Variants in MAP4K3 observed in about 807,000 individuals in gnomAD.
The protein encoded by MAP4K3 is MAPK/ERK kinase kinase kinase 3.
Under a neutral mutation model 143.5 loss-of-function variants are expected in MAP4K3, and 94 were observed. The observed-to-expected ratio is 0.65, with a 90% CI of 0.55 to 0.78. The LOEUF (loss-of-function observed/expected upper bound fraction) is 0.78, where lower values mean the gene tolerates loss of function less well. MAP4K3 is among the 30% of genes least tolerant of loss of function. The pLI is 0.00. For missense variants in MAP4K3, 1,077 were observed against 1,068.1 expected (o/e 1.01, Z -0.12); for synonymous variants, 416 against 347.2 (o/e 1.20, Z -2.20).
intron 2 of MAP4K3, among the ~76,000 whole-genome samples, chr2:39,365,486 G>T (rs1037110877): frequency 7.7e-6 from 1 of 130,134 alleles, no homozygotes; most frequent in Admixed American, 9.2e-5. Flanking sequence ...CGCCCAGGCC[G>T]GACTGCGGAC....
chr2:39,314,037 CTTTT>C (rs1055660834), intron 13 of MAP4K3, among the ~76,000 whole-genome samples: 1 of 150,342 alleles, frequency 6.7e-6, no homozygotes, highest in Non-Finnish European at 1.5e-5. Flanking sequence ...CCTCTAATTA[CTTTT>C]TTTTTTCCAA....
intron 2 of MAP4K3, among the ~76,000 whole-genome samples, chr2:39,368,925 G>C (rs149917052): frequency 6.6e-6 from 1 of 151,838 alleles, no homozygotes. Context: ...TACATATATC[G>C]TACCTCTCCC....
At chr2:39,421,305 A>G (rs1022352523) in intron 1 of MAP4K3, among the ~76,000 whole-genome samples, 1 of 152,224 alleles carries the variant, frequency 6.6e-6, no homozygotes, top group South Asian at 2.1e-4. Flanking sequence ...TTCTGGAAGT[A>G]AGACTGCCTG....
chr2:39,337,468 A>C lies in MAP4K3; in HGVS notation c.366+58T>G. The C allele has an allele frequency of 2.4e-6, 3 of 1,273,982 alleles. No homozygotes were observed. In the South Asian group the frequency reaches 3.6e-5, roughly 15 times the overall value. 78.9% of individuals were successfully genotyped at this position (1,273,982 alleles called of 1,614,324 possible). A position where few individuals can be genotyped will look rare whatever the true frequency, so the allele number is the denominator to read the frequency against. On this transcript the variant is annotated intron_variant, in intron 5 of 33. Coordinates refer to ENST00000263881, the MANE Select transcript of MAP4K3 (RefSeq NM_003618.4). ...TTACTTTGCTGAACAGGTAATGCAC[A>C]GTAAGTAAAGCCTTAGTTTAATGAA...
At chr2:39,347,955 T>C (rs1298476559) in intron 3 of MAP4K3, among the ~76,000 whole-genome samples, 1 of 152,032 alleles carries the variant, frequency 6.6e-6, no homozygotes, top group Non-Finnish European at 1.5e-5. Flanking sequence ...AACTGTTCAT[T>C]GTTGATCTCT....
rs933634583 is a variant in MAP4K3 at position 39,359,288 on chromosome 2, A to C, written c.155-2949T>G. 4.6e-5 allele frequency among the ~76,000 whole-genome samples: 7 copies of C among 152,132 alleles called. No homozygotes were observed. In the South Asian group the frequency reaches 6.2e-4, roughly 14 times the overall value. On this transcript the variant is annotated intron_variant, in intron 2 of 33. Transcript: ENST00000263881. ...ACCAACAGGGTAGTCATTAAATCTT[A>C]AAGTTCCAAAATGACCTCTTTTGAC...
At chr2:39,341,004 T>A (rs537136067) in intron 4 of MAP4K3, among the ~76,000 whole-genome samples, 1 of 152,022 alleles carries the variant, frequency 6.6e-6, no homozygotes, top group Non-Finnish European at 1.5e-5. Context: ...GGGGAGAAAA[T>A]ATTTGAAGAC....
chr2:39,285,653 CAA>C (rs201435675), intron 21 of MAP4K3, among the ~76,000 whole-genome samples: 2,009 of 152,174 alleles, frequency 0.013, 20 homozygotes, highest in Middle Eastern at 0.072. Flanking sequence ...AGATATAGCA[CAA>C]AAGACTCTAG....
At position 39,315,261 on chromosome 2, in the gene MAP4K3, A is replaced by G. The variant is rs750525449; in HGVS notation, c.997+49T>C. On this transcript the variant is annotated intron_variant, in intron 13 of 33. Transcript: ENST00000263881. ...ACAAAAATAACTGTAACTAAATTAT[A>G]ACTTATTTTCTATCATTAAATCATA... The G allele has an allele frequency of 4.0e-6, 5 of 1,261,598 alleles. No individual in the cohort carries two copies. In the African/African-American group the frequency reaches 7.7e-5, roughly 19 times the overall value. 78.2% of individuals were successfully genotyped at this position (1,261,598 alleles called of 1,614,324 possible).
intron 15 of MAP4K3, among the ~76,000 whole-genome samples, chr2:39,305,790 T>C: frequency 6.6e-6 from 1 of 151,878 alleles, no homozygotes; most frequent in East Asian, 1.9e-4. Context: ...TTCAAGTTAC[T>C]AGGCTAGTTC....
At chr2:39,283,424 TG>T (rs1681624756) in intron 21 of MAP4K3, among the ~76,000 whole-genome samples, 1 of 152,344 alleles carries the variant, frequency 6.6e-6, no homozygotes, top group Admixed American at 6.5e-5. Flanking sequence ...ATTTGCTATC[TG>T]TATTTCCTCT....
intron 3 of MAP4K3, among the ~76,000 whole-genome samples, chr2:39,351,053 A>G (rs1665443160): frequency 2.0e-5 from 3 of 152,236 alleles, no homozygotes; most frequent in Admixed American, 2.0e-4. Flanking sequence ...TATGTCACCT[A>G]GAGATAATTT....
chr2:39,298,914 A>C (rs1682395323), intron 16 of MAP4K3, among the ~76,000 whole-genome samples: 1 of 151,512 alleles, frequency 6.6e-6, no homozygotes, highest in Non-Finnish European at 1.5e-5. Context: ...GAAGTGGGCC[A>C]AGTTCACGCC....
At chr2:39,332,726 A>T (rs1683721262) in intron 7 of MAP4K3, among the ~76,000 whole-genome samples, 1 of 152,066 alleles carries the variant, frequency 6.6e-6, no homozygotes, top group African/African-American at 2.4e-5. Flanking sequence ...AGAACAGGAC[A>T]TATCTTTTCT....
At chr2:39,382,158 C>T (rs956762330) in intron 1 of MAP4K3, among the ~76,000 whole-genome samples, 2 of 152,150 alleles carry the variant, frequency 1.3e-5, no homozygotes, top group Non-Finnish European at 1.5e-5. Context: ...GATGATTTCA[C>T]GCAGATTGTG....
intron 1 of MAP4K3, among the ~76,000 whole-genome samples, chr2:39,380,465 T>C (rs1666330371): frequency 1.3e-5 from 2 of 152,194 alleles, no homozygotes; most frequent in South Asian, 2.1e-4. Context: ...TATTCTTTTT[T>C]TCAATCACCT....
In MAP4K3 at chr2:39,373,230, T is replaced by C. The variant is rs1017782007; in HGVS notation, c.154+4836A>G. On this transcript the variant is annotated intron_variant, in intron 2 of 33. Coordinates refer to ENST00000263881, the MANE Select transcript of MAP4K3 (RefSeq NM_003618.4). The stretch of plus-strand genomic sequence containing the variant: ...ATCAGAGAAATGCAAATCAAAACTA[T>C]ACCATGAGATATTATCTCCCCTTAT... Among the ~76,000 whole-genome samples, 13 of 152,204 alleles carry C rather than the reference T, an allele frequency of 8.5e-5. No homozygotes were observed. In the Middle Eastern group the frequency reaches 0.01, roughly 119 times the overall value.
chr2:39,336,471 C>CAAAAAAAAAAAAA (rs55780656), intron 6 of MAP4K3, among the ~76,000 whole-genome samples: 6 of 38,684 alleles, frequency 1.6e-4, no homozygotes, highest in African/African-American at 7.3e-4. Context: ...GACTCCATCT[C>CAAAAAAAAAAAAA]AAAAAAAAAA....
At chr2:39,363,021 T>C (rs1665813330) in intron 2 of MAP4K3, among the ~76,000 whole-genome samples, 2 of 152,228 alleles carry the variant, frequency 1.3e-5, no homozygotes, top group African/African-American at 4.8e-5. Flanking sequence ...GACGTTATCC[T>C]ACATACACAA....
Sources: gnomAD v4.1 joint callset for allele counts (sites outside exome capture counted in the v4.1 genomes callset) on GRCh38, gnomAD v4.1.1 for gene constraint, MANE v1.5 for transcripts, NCBI Gene and HGNC (gene_info 2026-07-23, HGNC 2026-07-21) for gene names.